The following SPG21 variants were observed in gnomAD, a reference collection of about 807,000 sequenced individuals.
The protein encoded by SPG21 is maspardin.
SPG21 carries 26 observed loss-of-function variants against 38.9 expected under a neutral mutation model. That is an observed-to-expected ratio of 0.67 (90% CI 0.49 to 0.93). SPG21 has a LOEUF of 0.93. SPG21 is among the 40% of genes least tolerant of loss of function. SPG21 has a pLI of 0.00. For synonymous variants in SPG21, 136 were observed against 128.9 expected (o/e 1.05, Z -0.37); for missense variants, 333 against 376.5 (o/e 0.88, Z 0.96).
intron 5 of SPG21, among the ~76,000 whole-genome samples, chr15:64,972,874 A>C (rs2085698035): frequency 7.6e-6 from 1 of 130,966 alleles, no homozygotes; most frequent in African/African-American, 2.5e-5. Context: ...AAAAAAAACT[A>C]AAAAATATCA....
At chr15:64,983,302 A>T (rs938917890) in intron 2 of SPG21, 4 of 396,316 alleles carry the variant, frequency 1.0e-5, no homozygotes, top group Non-Finnish European at 1.9e-5. Flanking sequence ...AAATGAGTAC[A>T]GTTACACTTG....
At position 64,980,889 on chromosome 15, in the gene SPG21, G is replaced by C. The variant is rs2085871533; in HGVS notation, c.200C>G (p.Thr67Ser). 6.2e-7 allele frequency: 1 copy of C among 1,613,706 alleles called. No individual in the cohort carries two copies. Among genetic ancestry groups the C allele is most frequent in the Non-Finnish European group, 8.5e-7 (1 of 1,179,976 alleles). The change falls in exon 3 of 9, where the codon ACT (threonine) becomes AGT (serine). Residue 67 changes from threonine (T) to serine (S), a missense_variant. Coordinates refer to ENST00000204566, the MANE Select transcript of SPG21 (RefSeq NM_016630.7). ...DVFFRQILAL[T>S]GWGYRVIALQ... ...AGCGATAACCCGGTAACCCCATCCA[G>C]TCAGAGCCAAAATCTGCCGGAAAAA...
At chr15:64,973,882 G>C (rs992306792) in intron 5 of SPG21, among the ~76,000 whole-genome samples, 2 of 152,140 alleles carry the variant, frequency 1.3e-5, no homozygotes, top group African/African-American at 4.8e-5. Context: ...AAATTGGAAA[G>C]GGAAAAAACC....
chr15:64,973,804 G>A (rs765527893), intron 5 of SPG21, among the ~76,000 whole-genome samples: 6 of 152,182 alleles, frequency 3.9e-5, no homozygotes, highest in Non-Finnish European at 5.9e-5. Flanking sequence ...GGGTCATGAT[G>A]TGCAGAACAT....
chr15:64,988,414 A>G (rs2086042411), intron 1 of SPG21, among the ~76,000 whole-genome samples: 2 of 152,158 alleles, frequency 1.3e-5, no homozygotes, highest in African/African-American at 4.8e-5. Flanking sequence ...TGCATTGTGG[A>G]AAATCTGTGC....
chr15:64,987,076 C>T (rs1471713884), intron 1 of SPG21: 4 of 152,182 alleles, frequency 2.6e-5, no homozygotes, highest in Non-Finnish European at 5.9e-5. Flanking sequence ...AATGCACAAA[C>T]CAAACCACCA....
intron 5 of SPG21, among the ~76,000 whole-genome samples, chr15:64,972,262 G>A (rs1312799471): frequency 1.3e-5 from 2 of 152,160 alleles, no homozygotes; most frequent in Middle Eastern, 3.2e-3. Flanking sequence ...AGTACGCTCT[G>A]TAAGGGGTGG....
At chr15:64,970,057 A>C (rs565014866) in intron 6 of SPG21, 57 bp downstream of exon 6, 1 of 1,349,946 alleles carries the variant, frequency 7.4e-7, no homozygotes, top group Non-Finnish European at 1.1e-6. Flanking sequence ...TCTGGAACCA[A>C]GTAGATGTGA....
chr15:64,980,266 C>T (rs1010029585), intron 3 of SPG21, among the ~76,000 whole-genome samples: 1 of 152,260 alleles, frequency 6.6e-6, no homozygotes, highest in Admixed American at 6.5e-5. Flanking sequence ...ACGCTTCCTA[C>T]CGCTCTGAGT....
chr15:64,974,586 G>GT lies in SPG21; in HGVS notation c.452+15dup. On this transcript the variant is annotated intron_variant, in intron 5 of 8. Transcript: ENST00000204566. ...TTCAAAATTTCACTGAACAAAAAAAGTAATTTTGTTCTTACCTGTTTGCAG... is the reference window on the plus strand; with the variant it reads ...TTCAAAATTTCACTGAACAAAAAAAGTTAATTTTGTTCTTACCTGTTTGCAG... 1 of 1,614,036 alleles carries GT rather than the reference G, an allele frequency of 6.2e-7. No individual in the cohort carries two copies. Among genetic ancestry groups the GT allele is most frequent in the Non-Finnish European group, 8.5e-7 (1 of 1,179,944 alleles).
At position 64,969,345 on chromosome 15, in the gene SPG21, C is replaced by G; in HGVS notation, c.579G>C (p.Gln193His). ...FMVDRLESLG[Q>H]SELASRLTLN... ...AGGTAAGTCTTGAAGCCAGTTCACTCTGACCCAAACTTTCTAGCTGCAGGA... is the reference window on the plus strand; with the variant it reads ...AGGTAAGTCTTGAAGCCAGTTCACTGTGACCCAAACTTTCTAGCTGCAGGA... The change falls in exon 7 of 9, where the codon CAG (glutamine) becomes CAC (histidine). Residue 193 changes from glutamine to histidine, a missense_variant. Transcript: ENST00000204566. The G allele has an allele frequency of 6.2e-7, 1 of 1,613,516 alleles. No individual in the cohort carries two copies. Among genetic ancestry groups the G allele is most frequent in the South Asian group, 1.1e-5 (1 of 91,056 alleles).
At chr15:64,982,080 T>G (rs769525064) in intron 2 of SPG21, among the ~76,000 whole-genome samples, 1 of 152,072 alleles carries the variant, frequency 6.6e-6, no homozygotes, top group Non-Finnish European at 1.5e-5. Context: ...ATGGTGATAA[T>G]GTATCTCACG....
intron 2 of SPG21, chr15:64,983,191 G>A (rs2085916575): frequency 4.0e-6 from 1 of 251,228 alleles, no homozygotes; most frequent in East Asian, 1.4e-4. Flanking sequence ...CTGGGAAGCA[G>A]AGGTTGCAGT....
intron 7 of SPG21, among the ~76,000 whole-genome samples, chr15:64,968,538 G>T (rs141577275): frequency 6.6e-6 from 1 of 152,100 alleles, no homozygotes; most frequent in Non-Finnish European, 1.5e-5. Context: ...GAGGCCGGGG[G>T]AAGAAAGGGA....
chr15:64,986,090 A>G (rs1329261938), intron 1 of SPG21, among the ~76,000 whole-genome samples: 2 of 152,180 alleles, frequency 1.3e-5, no homozygotes, highest in African/African-American at 2.4e-5. Flanking sequence ...TGTTAAGGCC[A>G]GGCACAGTGG....
At chr15:64,988,466 C>T (rs1395366006) in intron 1 of SPG21, among the ~76,000 whole-genome samples, 4 of 152,212 alleles carry the variant, frequency 2.6e-5, no homozygotes, top group African/African-American at 9.6e-5. Context: ...AGCTGAGAGT[C>T]TCTGGGAGAT....
chr15:64,964,787 C>T (rs188339646), intron 8 of SPG21, among the ~76,000 whole-genome samples: 12 of 152,004 alleles, frequency 7.9e-5, no homozygotes, highest in South Asian at 4.2e-4. Context: ...TGCACCACCA[C>T]GTCCAGCTAA....
At chr15:64,985,026 G>A (rs1450267353) in intron 1 of SPG21, among the ~76,000 whole-genome samples, 1 of 152,186 alleles carries the variant, frequency 6.6e-6, no homozygotes, top group Non-Finnish European at 1.5e-5. Flanking sequence ...TGGGATTACA[G>A]GCATGAGCCA....
chr15:64,965,997 C>T (rs757097035), intron 7 of SPG21, among the ~76,000 whole-genome samples: 10 of 152,114 alleles, frequency 6.6e-5, no homozygotes, highest in Middle Eastern at 6.8e-3. Flanking sequence ...CCACCAAGCC[C>T]GGCTGGGGTC....
Sources: allele counts gnomAD v4.1 joint callset (sites outside exome capture counted in the v4.1 genomes callset), GRCh38; gene constraint gnomAD v4.1.1; transcripts MANE v1.5; gene names NCBI Gene and HGNC (gene_info 2026-07-23, HGNC 2026-07-21).